The following TMEM272 variants were observed in gnomAD, a reference collection of about 807,000 sequenced individuals.
The protein encoded by TMEM272 is transmembrane protein 272, also known as long intergenic non-protein coding RNA 282.
Under a neutral mutation model 3.7 loss-of-function variants are expected in TMEM272, and 8 were observed. That is an observed-to-expected ratio of 2.17 (90% confidence interval 1.27 to 3.91). TMEM272 has a LOEUF of 3.91. TMEM272 is among the 30% of genes most tolerant of loss of function. The pLI is 0.00. For synonymous variants in TMEM272, 63 were observed against 39.8 expected (o/e 1.58, Z -2.20); for missense variants, 166 against 91.5 (o/e 1.81, Z -3.32).
At chr13:51,934,330 C>T in the TMEM272 span, 1 of 295,986 alleles carries the variant, frequency 3.4e-6, no homozygotes, top group Non-Finnish European at 6.7e-6. Flanking sequence ...TGCACACAGA[C>T]AGGCGTCATC....
At chr13:51,894,065 G>A in the TMEM272 span, among the ~76,000 whole-genome samples, 1 of 152,220 alleles carries the variant, frequency 6.6e-6, no homozygotes, top group African/African-American at 2.4e-5. Context: ...AATGGATACA[G>A]ACACACCACA....
chr13:51,923,990 C>T, the TMEM272 span, among the ~76,000 whole-genome samples: 1 of 152,208 alleles, frequency 6.6e-6, no homozygotes, highest in Non-Finnish European at 1.5e-5. Flanking sequence ...TGAATTATCT[C>T]GAGTTAATAA....
chr13:51,877,158 C>A, the TMEM272 span, among the ~76,000 whole-genome samples: 5 of 152,184 alleles, frequency 3.3e-5, no homozygotes, highest in African/African-American at 4.8e-5. Context: ...CACAATGTGA[C>A]CCCCTCTGAA....
chr13:51,847,171 A>C (rs540912608), upstream of TMEM272, among the ~76,000 whole-genome samples: 11 of 152,344 alleles, frequency 7.2e-5, no homozygotes, highest in East Asian at 1.5e-3. Flanking sequence ...TACATTATTC[A>C]ATACAGTAAC....
chr13:51,874,504 C>G, the TMEM272 span, among the ~76,000 whole-genome samples: 1 of 152,136 alleles, frequency 6.6e-6, no homozygotes, highest in South Asian at 2.1e-4. Context: ...CTCTGACTTC[C>G]CTGAGGGAAG....
chr13:51,894,765 G>A, the TMEM272 span, among the ~76,000 whole-genome samples: 2 of 152,094 alleles, frequency 1.3e-5, no homozygotes, highest in Non-Finnish European at 2.9e-5. Context: ...AATGGTTTCA[G>A]GATGATTCAA....
intron 1 of TMEM272, 65 bp downstream of exon 1, chr13:51,844,951 T>G (rs1263145458): frequency 6.6e-6 from 1 of 152,246 alleles, no homozygotes; most frequent in East Asian, 1.9e-4. Context: ...AAGAATGATT[T>G]CAAGAAACCC....
At chr13:51,825,642 T>A (rs1956118272) in intron 3 of TMEM272, among the ~76,000 whole-genome samples, 3 of 151,642 alleles carry the variant, frequency 2.0e-5, no homozygotes, top group Admixed American at 6.6e-5. Flanking sequence ...TGTGTTTTTT[T>A]TTTTTTTTGG....
intron 2 of TMEM272, 102 bp downstream of exon 2, chr13:51,838,371 A>G (rs1222107652): frequency 8.6e-6 from 6 of 698,422 alleles, no homozygotes; most frequent in Non-Finnish European, 7.9e-6. Flanking sequence ...CCCCATACCA[A>G]GCACAGCCCA....
the TMEM272 span, among the ~76,000 whole-genome samples, chr13:51,875,056 C>T: frequency 5.3e-3 from 779 of 147,438 alleles, 5 homozygotes; most frequent in African/African-American, 0.02. Flanking sequence ...GCGGCTTTAA[C>T]CCTTTGCTGC....
chr13:51,821,725 G>A (rs1283862094), intron 4 of TMEM272, among the ~76,000 whole-genome samples: 2 of 137,986 alleles, frequency 1.4e-5, no homozygotes, highest in Non-Finnish European at 3.0e-5. Flanking sequence ...GCAGCGCAGA[G>A]AAAGACCATG....
chr13:51,843,936 G>A (rs1166783527), intron 1 of TMEM272, among the ~76,000 whole-genome samples: 1 of 152,156 alleles, frequency 6.6e-6, no homozygotes, highest in Admixed American at 6.5e-5. Context: ...GAGGTGATCT[G>A]ATCCCCAAGG....
At chr13:51,823,378 C>G (rs1956096766) in intron 3 of TMEM272, among the ~76,000 whole-genome samples, 1 of 152,262 alleles carries the variant, frequency 6.6e-6, no homozygotes, top group South Asian at 2.1e-4. Flanking sequence ...GTGCCCAGCC[C>G]AGGCCAAAGC....
chr13:51,898,552 A>C, the TMEM272 span, among the ~76,000 whole-genome samples: 1 of 150,950 alleles, frequency 6.6e-6, no homozygotes, highest in Non-Finnish European at 1.5e-5. Context: ...TCAGATTCAC[A>C]TTTGCAAAAG....
chr13:51,931,180 T>C, the TMEM272 span, among the ~76,000 whole-genome samples: 1 of 152,176 alleles, frequency 6.6e-6, no homozygotes, highest in South Asian at 2.1e-4. Context: ...ATTGCAGCAC[T>C]GTTCACAATA....
the TMEM272 span, among the ~76,000 whole-genome samples, chr13:51,927,116 T>C: frequency 5.3e-5 from 8 of 152,262 alleles, no homozygotes; most frequent in Admixed American, 1.3e-4. Flanking sequence ...CATGTTAACA[T>C]TTTTAGCTGG....
At chr13:51,878,225 T>C in the TMEM272 span, among the ~76,000 whole-genome samples, 4 of 152,036 alleles carry the variant, frequency 2.6e-5, no homozygotes, top group Non-Finnish European at 5.9e-5. Context: ...GGTAAGGAGA[T>C]AGAGACCACC....
At chr13:51,878,809 A>C in the TMEM272 span, among the ~76,000 whole-genome samples, 1 of 152,202 alleles carries the variant, frequency 6.6e-6, no homozygotes. Flanking sequence ...TACATATTAA[A>C]TTTATATGTA....
chr13:51,917,595 G>A, the TMEM272 span, among the ~76,000 whole-genome samples: 1 of 152,202 alleles, frequency 6.6e-6, no homozygotes, highest in Admixed American at 6.5e-5. Context: ...CTACCAGCGA[G>A]TCCTGTGGTT....
Sources: gnomAD v4.1 joint callset for allele counts (sites outside exome capture counted in the v4.1 genomes callset) on GRCh38, gnomAD v4.1.1 for gene constraint, MANE v1.5 for transcripts, NCBI Gene and HGNC (gene_info 2026-07-23, HGNC 2026-07-21) for gene names.